PAPPA: variants seen among roughly 807,000 people sequenced by gnomAD.
PAPPA encodes pappalysin 1.
PAPPA carries 60 observed loss-of-function variants against 164.0 expected under a neutral mutation model. The ratio of observed to expected loss-of-function variants is 0.37; its 90% CI spans 0.30 to 0.45. The LOEUF is 0.45. Ranked by LOEUF, PAPPA falls within the 20% of genes least tolerant of loss-of-function variation. The probability of loss-of-function intolerance (pLI) is 1.00; values close to 1 mark genes in which losing one functional copy is unlikely to be tolerated. For missense variants in PAPPA, 1,782 were observed against 2,087.3 expected (o/e 0.85, Z 2.85); for synonymous variants, 875 against 814.1 (o/e 1.07, Z -1.27).
intron 1 of PAPPA, among the ~76,000 whole-genome samples, chr9:116,175,411 G>C (rs1308251297): frequency 6.6e-6 from 1 of 152,146 alleles, no homozygotes; most frequent in Non-Finnish European, 1.5e-5. Flanking sequence ...TAATAAGCAT[G>C]TAAGATAATG....
chr9:116,265,824 ATTGTAT>A (rs1845061088), intron 7 of PAPPA, 27 bp from the exon 8 acceptor site: 1 of 1,558,384 alleles, frequency 6.4e-7, no homozygotes, highest in Admixed American at 1.7e-5. Context: ...CAGTATTGTA[ATTGTAT>A]AATTATGTCT....
intron 2 of PAPPA, among the ~76,000 whole-genome samples, chr9:116,192,987 A>G (rs1587945858): frequency 2.0e-5 from 3 of 152,084 alleles, no homozygotes; most frequent in South Asian, 4.2e-4. Context: ...AAGTGAACTC[A>G]CCTTTGTTCA....
chr9:116,217,356 G>T (rs868711183), intron 4 of PAPPA, among the ~76,000 whole-genome samples: 2 of 152,080 alleles, frequency 1.3e-5, no homozygotes, highest in Non-Finnish European at 2.9e-5. Context: ...TCTTCAAGTT[G>T]TCTCATTTTT....
At chr9:116,159,086 A>C (rs1438852454) in intron 1 of PAPPA, among the ~76,000 whole-genome samples, 1 of 152,264 alleles carries the variant, frequency 6.6e-6, no homozygotes, top group African/African-American at 2.4e-5. Flanking sequence ...GAAGCCCTGC[A>C]TGAGACCTGG....
chr9:116,187,926 C>G lies in PAPPA; in HGVS notation c.1188C>G (p.Asp396Glu). Residue 396 changes from aspartate to glutamate, a missense_variant, in exon 2 of 22, where the codon GAC (aspartate) becomes GAG (glutamate). Around this residue, in one of 2 missense-constraint regions of PAPPA, gnomAD observed 1,324 missense variants for 1,656.9 expected, o/e 0.80. Transcript: ENST00000328252. The surrounding 1 kb of genome is among the most constrained non-coding windows in gnomAD (Gnocchi z 4.2). The part of the protein sequence containing the change: ...FKQYNISWEL[D>E]VLEVSNSSLR... The stretch of plus-strand genomic sequence containing the variant: ...AATACAACATCTCCTGGGAGCTGGA[C>G]GTGCTGGAGGTGAGCAACTCCTCCC... 6.2e-7 allele frequency: 1 copy of G among 1,614,132 alleles called. No homozygotes were observed. The highest frequency in any genetic ancestry group is 2.2e-5 in the East Asian group (1 of 44,882).
At chr9:116,208,394 G>T (rs2118678173) in intron 3 of PAPPA, among the ~76,000 whole-genome samples, 1 of 152,058 alleles carries the variant, frequency 6.6e-6, no homozygotes, top group African/African-American at 2.4e-5. Flanking sequence ...TGTCGCAGAA[G>T]TCTTATCCTT....
intron 21 of PAPPA, among the ~76,000 whole-genome samples, chr9:116,389,414 C>T (rs1048060217): frequency 2.0e-5 from 3 of 152,110 alleles, no homozygotes; most frequent in African/African-American, 7.2e-5. Context: ...CACCTCAATG[C>T]AAAGACATAC....
chr9:116,178,052 G>A (rs180916636), intron 1 of PAPPA, among the ~76,000 whole-genome samples: 152 of 152,248 alleles, frequency 1.0e-3, no homozygotes, highest in South Asian at 3.3e-3. Context: ...GCACAAAAAG[G>A]GGGGAAATAA....
intron 13 of PAPPA, 113 bp downstream of exon 13, chr9:116,335,187 C>T: frequency 1.2e-6 from 1 of 839,614 alleles, no homozygotes; most frequent in Admixed American, 2.2e-5. Context: ...GCATTTCTCC[C>T]TTCTCCATCC....
intron 7 of PAPPA, among the ~76,000 whole-genome samples, chr9:116,265,561 A>G (rs1845057458): frequency 6.6e-6 from 1 of 152,188 alleles, no homozygotes; most frequent in Admixed American, 6.5e-5. Flanking sequence ...GCCATCTGAT[A>G]CTTTTCCAAC....
rs1847036326 is a variant in PAPPA at position 116,400,536 on chromosome 9, G to GTT, written c.*3922_*3923dup. The GTT allele has an allele frequency of 1.3e-5, 2 of 152,222 alleles. No homozygotes were observed. The highest frequency in any genetic ancestry group is 4.2e-4 in the South Asian group (2 of 4,818). 9.4% of individuals were successfully genotyped at this position (152,222 alleles called of 1,614,324 possible). A position where few individuals can be genotyped will look rare whatever the true frequency, so the allele number is the denominator to read the frequency against. ...CGTTGTGCTTTTCACGTTATAAAATGTTTATATTTACCAGTACAGCACTGG... is the reference window on the plus strand; with the variant it reads ...CGTTGTGCTTTTCACGTTATAAAATGTTTTTATATTTACCAGTACAGCACTGG... On this transcript the variant is annotated 3_prime_UTR_variant, in exon 22 of 22. Coordinates refer to ENST00000328252, the MANE Select transcript of PAPPA (RefSeq NM_002581.5).
intron 10 of PAPPA, among the ~76,000 whole-genome samples, chr9:116,303,525 G>A (rs543507987): frequency 3.0e-4 from 45 of 152,102 alleles, no homozygotes; most frequent in Non-Finnish European, 6.0e-4. Context: ...CTTAGTCCAG[G>A]GAGTGAGAGT....
At chr9:116,302,682 C>T in intron 9 of PAPPA, 75 bp from the exon 10 acceptor site, 1 of 1,223,192 alleles carries the variant, frequency 8.2e-7, no homozygotes, top group Admixed American at 1.9e-5. Flanking sequence ...TCTGACTCTG[C>T]AGCTGCTGAT....
Position 116,354,550 on chromosome 9 carries a change from T to C in PAPPA, c.4347+757T>C, listed in dbSNP as rs148096305. ...TCTTCAATCAGTCTTTATTGGTCTT[T>C]ATTGTTAGCCTCCAGATACCAGGCA... On this transcript the variant is annotated intron_variant, in intron 17 of 21. Coordinates refer to ENST00000328252, the MANE Select transcript of PAPPA (RefSeq NM_002581.5). Among the ~76,000 whole-genome samples the C allele has an allele frequency of 1.1e-4, 17 of 152,292 alleles. No individual in the cohort carries two copies. In the East Asian group the frequency reaches 3.3e-3, roughly 29 times the overall value.
rs1165971394 is a variant in PAPPA, at chr9:116,289,229, TATA to T, written c.2954-13527_2954-13525del. On this transcript the variant is annotated intron_variant, in intron 9 of 21. Coordinates refer to ENST00000328252, the MANE Select transcript of PAPPA (RefSeq NM_002581.5). ...ATATAGCATATATGTAGCATATATA[TATA>T]GCATATATATATAGCATATATGTAG... 6.8e-5 allele frequency among the ~76,000 whole-genome samples: 4 copies of T among 59,192 alleles called. 1 individual carries two copies. Among genetic ancestry groups the T allele is most frequent in the Admixed American group, 2.0e-4 (1 of 4,898 alleles). The allele number at this position is 59,192 out of a possible 152,430, so 38.8% of individuals were successfully genotyped here.
chr9:116,156,304 A>T (rs191108651), intron 1 of PAPPA, among the ~76,000 whole-genome samples: 1 of 126,618 alleles, frequency 7.9e-6, no homozygotes, highest in Admixed American at 7.8e-5. Flanking sequence ...ATATATATAC[A>T]TGTATATATA....
intron 3 of PAPPA, among the ~76,000 whole-genome samples, chr9:116,210,355 T>C (rs184202503): frequency 7.9e-5 from 12 of 152,286 alleles, no homozygotes; most frequent in Admixed American, 7.8e-4. Flanking sequence ...ATAGACTCTA[T>C]GAGTCCCTTG....
chr9:116,191,840 G>A (rs1010147080), intron 2 of PAPPA, among the ~76,000 whole-genome samples: 1 of 152,118 alleles, frequency 6.6e-6, no homozygotes, highest in Admixed American at 6.5e-5. Flanking sequence ...TGTTTTCAAG[G>A]AGAAGCTGTT....
intron 10 of PAPPA, among the ~76,000 whole-genome samples, chr9:116,330,916 C>T (rs1845983035): frequency 6.6e-6 from 1 of 152,158 alleles, no homozygotes; most frequent in Non-Finnish European, 1.5e-5. Flanking sequence ...CTTCTGTTCC[C>T]TCTGCCTGCA....
Sources: gnomAD v4.1 joint callset for allele counts (sites outside exome capture counted in the v4.1 genomes callset) on GRCh38, gnomAD v4.1.1 for gene constraint, gnomAD v4.1.1 regional missense constraint, Gnocchi (gnomAD v3.1) non-coding constraint, MANE v1.5 for transcripts, NCBI Gene and HGNC (gene_info 2026-07-23, HGNC 2026-07-21) for gene names.